Variants in COLEC11 observed in about 807,000 individuals in gnomAD.
COLEC11 encodes the protein collectin subfamily member 11, also known as collectin-11.
COLEC11 carries 20 observed loss-of-function variants against 27.3 expected under a neutral mutation model. The observed-to-expected ratio is 0.73, with a 90% confidence interval of 0.51 to 1.06. COLEC11 has a LOEUF of 1.06. Ranked by LOEUF, COLEC11 falls within the 50% of genes least tolerant of loss-of-function variation. COLEC11 has a pLI of 0.00. For missense variants in COLEC11, 310 were observed against 383.0 expected, an observed-to-expected ratio of 0.81 and a Z score of 1.59; for synonymous variants, 163 against 154.7, an observed-to-expected ratio of 1.05 and a Z score of -0.40.
intron 3 of COLEC11, among the ~76,000 whole-genome samples, chr2:3,634,825 T>TGGGGGCCCTGCCCCAGA (rs1665267563): frequency 6.6e-6 from 1 of 151,738 alleles, no homozygotes; most frequent in African/African-American, 2.4e-5. Flanking sequence ...CCCTCTGGTG[T>TGGGGGCCCTGCCCCAGA]GGGGGCCCTG....
At chr2:3,597,266 G>GCTCCGGGA (rs1191915015) in intron 1 of COLEC11, among the ~76,000 whole-genome samples, 1 of 151,864 alleles carries the variant, frequency 6.6e-6, no homozygotes, top group Non-Finnish European at 1.5e-5. Flanking sequence ...AGCCTGGGCT[G>GCTCCGGGA]CTCCGGGATC....
chr2:3,597,726 A>G (rs1326373625), intron 1 of COLEC11, among the ~76,000 whole-genome samples: 5 of 151,390 alleles, frequency 3.3e-5, no homozygotes, highest in African/African-American at 1.2e-4. Flanking sequence ...CTGAGAAGTG[A>G]GGTTCGACTT....
intron 3 of COLEC11, among the ~76,000 whole-genome samples, chr2:3,629,883 G>A (rs1002622052): frequency 5.9e-5 from 9 of 152,170 alleles, no homozygotes; most frequent in East Asian, 1.9e-4. Context: ...ATGTATCCAC[G>A]TATGTAGGTT....
chr2:3,611,885 G>C (rs1040575059), intron 2 of COLEC11, among the ~76,000 whole-genome samples: 4 of 149,442 alleles, frequency 2.7e-5, no homozygotes, highest in African/African-American at 1.0e-4. Context: ...ACGTGTGTGG[G>C]CGGCAAGCCG....
chr2:3,598,301 C>T lies in COLEC11; in HGVS notation c.-27+3133C>T, dbSNP rs536431246. Among the ~76,000 whole-genome samples, 23 of 152,318 alleles carry T rather than the reference C, an allele frequency of 1.5e-4. No homozygotes were observed. The South Asian group carries it at 3.5e-3, about 23-fold the overall frequency. ...GGCAGTAACCCACGTCTGCAGACTG[C>T]CTGCCCTGGAAATACTGTGTAGACA... is the stretch of plus-strand genomic sequence containing the variant. On this transcript the variant is annotated intron_variant, in intron 1 of 6. Transcript: ENST00000349077.
intron 3 of COLEC11, among the ~76,000 whole-genome samples, chr2:3,627,455 C>T (rs1664641579): frequency 6.7e-6 from 1 of 149,020 alleles, no homozygotes; most frequent in South Asian, 2.1e-4. Flanking sequence ...GGCACAATGA[C>T]ACTGGGCATG....
chr2:3,642,781 G>T (rs959246298), intron 5 of COLEC11, among the ~76,000 whole-genome samples: 5 of 152,118 alleles, frequency 3.3e-5, no homozygotes, highest in African/African-American at 9.7e-5. Context: ...CTGTGGGCGC[G>T]GCCTGCCTTC....
chr2:3,604,505 T>C (rs745834972), intron 2 of COLEC11, 35 bp downstream of exon 2: 123 of 1,611,700 alleles, frequency 7.6e-5, no homozygotes, highest in Non-Finnish European at 9.1e-5. Flanking sequence ...TGCTGGGCAG[T>C]GGCCTCCGGG....
intron 3 of COLEC11, among the ~76,000 whole-genome samples, chr2:3,635,767 G>A (rs759026607): frequency 5.9e-5 from 9 of 152,274 alleles, no homozygotes; most frequent in African/African-American, 9.6e-5. Context: ...TCCCTGCATC[G>A]TCCCCCAGGC....
intron 3 of COLEC11, among the ~76,000 whole-genome samples, chr2:3,634,421 T>C (rs956116758): frequency 5.9e-5 from 9 of 152,140 alleles, no homozygotes; most frequent in Admixed American, 1.3e-4. Flanking sequence ...AGCAGCAACT[T>C]CCCAGCTCCT....
At chr2:3,634,695 AG>A (rs60616725) in intron 3 of COLEC11, among the ~76,000 whole-genome samples, 20,870 of 152,122 alleles carry the variant, frequency 0.14, 1,592 homozygotes, top group East Asian at 0.32. Flanking sequence ...CATCGGGAAG[AG>A]CAGGCCAGTT....
In COLEC11 at chr2:3,641,326, G is replaced by T. The variant is rs1454060262; in HGVS notation, c.328+995G>T. ...ACTTGGCTGAGTGTGAGTGCGCTGA[G>T]ATCAGTGTCACTGACTGGCCGAGCA... On this transcript the variant is annotated intron_variant, in intron 5 of 6. Transcript: ENST00000349077. 4 of 1,303,276 alleles carry T rather than the reference G, an allele frequency of 3.1e-6. No individual in the cohort carries two copies. The Admixed American group carries it at 9.2e-5, about 30-fold the overall frequency. 80.7% of individuals were successfully genotyped at this position (1,303,276 alleles called of 1,614,324 possible).
chr2:3,607,073 C>A (rs1482621850), intron 2 of COLEC11, among the ~76,000 whole-genome samples: 2 of 152,094 alleles, frequency 1.3e-5, no homozygotes, highest in Admixed American at 6.6e-5. Flanking sequence ...CACGCGCCGC[C>A]CCCCCAACCC....
intron 2 of COLEC11, among the ~76,000 whole-genome samples, chr2:3,607,421 A>T (rs1662811776): frequency 6.7e-6 from 1 of 149,014 alleles, no homozygotes; most frequent in Non-Finnish European, 1.5e-5. Context: ...TTCTTCTTAT[A>T]GGCTTTATCA....
intron 3 of COLEC11, among the ~76,000 whole-genome samples, chr2:3,616,126 G>A (rs1663702951): frequency 6.7e-6 from 1 of 150,122 alleles, no homozygotes; most frequent in African/African-American, 2.5e-5. Flanking sequence ...ACACGGGGTC[G>A]TGGCTGGGCA....
chr2:3,616,982 G>A (rs141304052), intron 3 of COLEC11, among the ~76,000 whole-genome samples: 37 of 152,306 alleles, frequency 2.4e-4, no homozygotes, highest in Non-Finnish European at 4.7e-4. Context: ...CAACAGACGC[G>A]TAGGTTGTTT....
At chr2:3,628,538 T>C (rs1476811972) in intron 3 of COLEC11, among the ~76,000 whole-genome samples, 1 of 152,218 alleles carries the variant, frequency 6.6e-6, no homozygotes, top group Non-Finnish European at 1.5e-5. Context: ...GGGACCTGGC[T>C]GCAGTGGGGG....
At chr2:3,606,506 G>A (rs919462025) in intron 2 of COLEC11, among the ~76,000 whole-genome samples, 1 of 152,244 alleles carries the variant, frequency 6.6e-6, no homozygotes, top group African/African-American at 2.4e-5. Context: ...TGGTCCGTGA[G>A]GTTGGGGAGG....
intron 1 of COLEC11, among the ~76,000 whole-genome samples, chr2:3,596,425 C>T (rs1661844599): frequency 6.6e-6 from 1 of 151,732 alleles, no homozygotes; most frequent in Non-Finnish European, 1.5e-5. Context: ...CAACCTCCGC[C>T]TCCCAGGTTC....
Sources: gnomAD v4.1 joint callset for allele counts (sites outside exome capture counted in the v4.1 genomes callset) on GRCh38, gnomAD v4.1.1 for gene constraint, MANE v1.5 for transcripts, NCBI Gene and HGNC (gene_info 2026-07-23, HGNC 2026-07-21) for gene names.